Variants in GRID2 observed in about 807,000 individuals in gnomAD.
GRID2 encodes glutamate receptor ionotropic, delta-2.
GRID2 carries 33 observed loss-of-function variants against 114.8 expected under a neutral mutation model. That is an observed-to-expected ratio of 0.29 (90% CI 0.22 to 0.38). The LOEUF (loss-of-function observed/expected upper bound fraction) is 0.38, where lower values mean the gene tolerates loss of function less well. GRID2 is among the 10% of genes least tolerant of loss of function. The probability of loss-of-function intolerance (pLI) is 1.00; values close to 1 mark genes in which losing one functional copy is unlikely to be tolerated. For missense variants in GRID2, 1,184 were observed against 1,257.7 expected, an observed-to-expected ratio of 0.94 and a Z score of 0.89; for synonymous variants, 505 against 449.9, an observed-to-expected ratio of 1.12 and a Z score of -1.55.
chr4:93,531,855 A>T (rs1170132332), intron 13 of GRID2, among the ~76,000 whole-genome samples: 1 of 152,000 alleles, frequency 6.6e-6, no homozygotes, highest in Non-Finnish European at 1.5e-5. Flanking sequence ...TATTTTTCAT[A>T]TTTATGTTTA....
intron 1 of GRID2, among the ~76,000 whole-genome samples, chr4:92,486,820 G>A (rs1002815622): frequency 6.6e-6 from 1 of 151,958 alleles, no homozygotes; most frequent in African/African-American, 2.4e-5. Context: ...ACAGGTATAT[G>A]AACAGATGCT....
intron 2 of GRID2, among the ~76,000 whole-genome samples, chr4:92,945,107 C>G (rs1578559885): frequency 6.6e-6 from 1 of 152,010 alleles, no homozygotes; most frequent in East Asian, 1.9e-4. Context: ...CCTGTAAGTC[C>G]CTCATTCAGT....
At chr4:92,404,581 C>A (rs908785745) in intron 1 of GRID2, among the ~76,000 whole-genome samples, 1 of 152,176 alleles carries the variant, frequency 6.6e-6, no homozygotes, top group Non-Finnish European at 1.5e-5. Context: ...GAAACATGCA[C>A]ATGTATGTTC....
At chr4:93,148,293 C>T (rs1274306422) in intron 4 of GRID2, among the ~76,000 whole-genome samples, 1 of 152,100 alleles carries the variant, frequency 6.6e-6, no homozygotes, top group African/African-American at 2.4e-5. Flanking sequence ...CTGCCAACTT[C>T]ATAAATGGCA....
chr4:92,708,550 A>T (rs1388047485), intron 2 of GRID2, among the ~76,000 whole-genome samples: 2 of 152,140 alleles, frequency 1.3e-5, no homozygotes, highest in Non-Finnish European at 2.9e-5. Flanking sequence ...TCTGTCACTT[A>T]TTTATCTCAT....
chr4:93,738,024 C>T (rs992963678), intron 14 of GRID2, among the ~76,000 whole-genome samples: 4 of 152,032 alleles, frequency 2.6e-5, no homozygotes, highest in Admixed American at 1.3e-4. Context: ...AAGATATGAA[C>T]GGATTGGAAT....
intron 2 of GRID2, among the ~76,000 whole-genome samples, chr4:92,998,504 C>T (rs1420134344): frequency 6.6e-6 from 1 of 151,902 alleles, no homozygotes; most frequent in Non-Finnish European, 1.5e-5. Context: ...TGTGTGGTTT[C>T]AGTTAATTGC....
intron 8 of GRID2, chr4:93,282,519 G>A: frequency 3.8e-6 from 1 of 260,262 alleles, no homozygotes; most frequent in Non-Finnish European, 7.7e-6. Context: ...CCTTTTATCA[G>A]GAAACTACTC....
chr4:93,402,150 T>A (rs1765960084), intron 9 of GRID2, among the ~76,000 whole-genome samples: 1 of 152,104 alleles, frequency 6.6e-6, no homozygotes, highest in Admixed American at 6.6e-5. Flanking sequence ...GTTGCCTTTA[T>A]TTCACCAAGT....
chr4:93,596,471 G>T (rs141010710), intron 13 of GRID2, among the ~76,000 whole-genome samples: 10,022 of 152,088 alleles, frequency 0.066, 576 homozygotes, highest in African/African-American at 0.16. Flanking sequence ...CCAGCTACTC[G>T]GGAGGCTGAG....
intron 2 of GRID2, among the ~76,000 whole-genome samples, chr4:92,946,830 G>A (rs551207251): frequency 2.0e-5 from 3 of 151,934 alleles, no homozygotes; most frequent in Admixed American, 1.3e-4. Context: ...TGATTCAATA[G>A]GCCTGCATGA....
chr4:92,640,084 A>G (rs1731270178), intron 2 of GRID2, among the ~76,000 whole-genome samples: 1 of 151,804 alleles, frequency 6.6e-6, no homozygotes, highest in Non-Finnish European at 1.5e-5. Context: ...TTAGTGCATA[A>G]TGTGCATAAT....
At chr4:93,672,801 TG>T (rs2110069870) in intron 14 of GRID2, among the ~76,000 whole-genome samples, 1 of 152,354 alleles carries the variant, frequency 6.6e-6, no homozygotes, top group Non-Finnish European at 1.5e-5. Flanking sequence ...TGTTGCCTGA[TG>T]GGCACAATCC....
chr4:92,734,528 C>A (rs1736493508), intron 2 of GRID2, among the ~76,000 whole-genome samples: 1 of 152,072 alleles, frequency 6.6e-6, no homozygotes, highest in Non-Finnish European at 1.5e-5. Flanking sequence ...AAGTGACCCT[C>A]CAGCCACAGG....
intron 8 of GRID2, among the ~76,000 whole-genome samples, chr4:93,345,654 A>C (rs761047650): frequency 2.0e-5 from 3 of 151,838 alleles, no homozygotes; most frequent in Non-Finnish European, 4.4e-5. Context: ...ATGTAATCCC[A>C]TTTGTCTGTT....
intron 1 of GRID2, among the ~76,000 whole-genome samples, chr4:93,799,806 G>A (rs1734888861): frequency 6.6e-6 from 1 of 152,040 alleles, no homozygotes; most frequent in Admixed American, 6.6e-5. Context: ...AAATTGCTAT[G>A]TTTTGTTTTT....
intron 2 of GRID2, among the ~76,000 whole-genome samples, chr4:92,864,062 C>G (rs996711255): frequency 1.3e-5 from 2 of 152,090 alleles, no homozygotes; most frequent in Non-Finnish European, 2.9e-5. Flanking sequence ...TAAAATTAAA[C>G]AGTTACATAA....
chr4:93,114,529 G>A (rs1733060232), intron 4 of GRID2, among the ~76,000 whole-genome samples: 1 of 152,044 alleles, frequency 6.6e-6, no homozygotes, highest in African/African-American at 2.4e-5. Flanking sequence ...CTGTGGACCA[G>A]TTATTCCACA....
chr4:93,174,021 AC>A (rs1350205198), intron 4 of GRID2, among the ~76,000 whole-genome samples: 2 of 152,134 alleles, frequency 1.3e-5, no homozygotes, highest in Non-Finnish European at 1.5e-5. Context: ...AATCAAGTAT[AC>A]CCTTCCCTGG....
Sources: gnomAD v4.1 joint callset for allele counts (sites outside exome capture counted in the v4.1 genomes callset) on GRCh38, gnomAD v4.1.1 for gene constraint, MANE v1.5 for transcripts, NCBI Gene and HGNC (gene_info 2026-07-23, HGNC 2026-07-21) for gene names.